The following PCDHA7 variants were observed in gnomAD, a reference collection of about 807,000 sequenced individuals.
PCDHA7 encodes the protein protocadherin alpha 7, also known as protocadherin alpha-7.
In PCDHA7, 37 loss-of-function variants were observed where a neutral mutation model predicts 57.2. The observed-to-expected ratio is 0.65, with a 90% CI of 0.50 to 0.85. The LOEUF (loss-of-function observed/expected upper bound fraction) is 0.85. Among genes scored for constraint, PCDHA7 ranks in the 40% least tolerant of loss-of-function variants. PCDHA7 has a pLI of 0.00. For synonymous variants in PCDHA7, 553 were observed against 558.8 expected, an observed-to-expected ratio of 0.99 and a Z score of 0.15; for missense variants, 1,188 against 1,241.8, an observed-to-expected ratio of 0.96 and a Z score of 0.65.
intron 1 of PCDHA7, chr5:140,843,004 C>G (rs782142006): frequency 6.3e-7 from 1 of 1,595,032 alleles, no homozygotes; most frequent in Non-Finnish European, 8.6e-7. Flanking sequence ...AGAATGACAA[C>G]GCGCCGGCAC....
Position 140,974,282 on chromosome 5 carries a change from T to C in PCDHA7, c.2356-4667T>C, listed in dbSNP as rs115449410. Among the ~76,000 whole-genome samples, 1,252 of 152,332 alleles carry C rather than the reference T, an allele frequency of 8.2e-3. 23 individuals carry two copies. The highest frequency in any genetic ancestry group is 0.028 in the African/African-American group (1,180 of 41,572). ...TTCTGGCCTTCCAGGGTCAGAACTC[T>C]GGGCTCCAAGGAGGTACAACTGTGA... On this transcript the variant is annotated intron_variant, in intron 1 of 3. Coordinates refer to ENST00000525929, the MANE Select transcript of PCDHA7 (RefSeq NM_018910.3).
intron 3 of PCDHA7, among the ~76,000 whole-genome samples, chr5:140,999,034 T>A (rs953509791): frequency 6.6e-6 from 1 of 152,210 alleles, no homozygotes; most frequent in East Asian, 1.9e-4. Flanking sequence ...TGATACTTCG[T>A]CCAGTGTGCT....
chr5:140,932,750 GGAAA>G (rs1554209054), intron 1 of PCDHA7, among the ~76,000 whole-genome samples: 1 of 151,518 alleles, frequency 6.6e-6, no homozygotes, highest in Non-Finnish European at 1.5e-5. Flanking sequence ...TCAGTAAAAA[GGAAA>G]GAAAAAGAAC....
At chr5:141,001,959 C>T (rs755695273) in intron 3 of PCDHA7, among the ~76,000 whole-genome samples, 8 of 152,098 alleles carry the variant, frequency 5.3e-5, no homozygotes, top group Admixed American at 3.9e-4. Context: ...GAGGGAGAGG[C>T]GGGGTGTCTC....
chr5:140,851,536 A>G, intron 1 of PCDHA7: 1 of 906,554 alleles, frequency 1.1e-6, no homozygotes, highest in African/African-American at 1.8e-5. Context: ...GACAATGTAG[A>G]TAATTCAAGA....
intron 1 of PCDHA7, chr5:140,969,583 A>G: frequency 1.1e-6 from 1 of 914,068 alleles, no homozygotes; most frequent in Admixed American, 3.0e-5. Context: ...AGTGAGGATT[A>G]GTCTTAATAT....
chr5:140,976,494 G>A (rs1247242198), intron 1 of PCDHA7, among the ~76,000 whole-genome samples: 1 of 151,942 alleles, frequency 6.6e-6, no homozygotes, highest in Non-Finnish European at 1.5e-5. Context: ...GAGGTTGCAG[G>A]GAGCCAAGAT....
chr5:140,848,969 C>G (rs2150427245), intron 1 of PCDHA7: 31 of 1,604,278 alleles, frequency 1.9e-5, no homozygotes, highest in Non-Finnish European at 2.6e-5. Context: ...AGGGCGCGTC[C>G]GATGCAGATA....
In PCDHA7 at chr5:140,966,763, G is replaced by A. The variant is rs1020607410; in HGVS notation, c.2356-12186G>A. 2.7e-6 allele frequency: 4 copies of A among 1,470,486 alleles called. No homozygotes were observed. The South Asian group carries it at 5.5e-5, about 20-fold the overall frequency. 91.1% of individuals were successfully genotyped at this position (1,470,486 alleles called of 1,614,324 possible). A position where few individuals can be genotyped will look rare whatever the true frequency, so the allele number is the denominator to read the frequency against. Reference sequence around the variant, plus strand: ...CCCGGCTGCCTCCGCCGCGGCCAGTGGCTATGGAGCAGGCGGGCACCAGAC... The same window carrying A: ...CCCGGCTGCCTCCGCCGCGGCCAGTAGCTATGGAGCAGGCGGGCACCAGAC... On this transcript the variant is annotated intron_variant, in intron 1 of 3. Transcript: ENST00000525929.
intron 1 of PCDHA7, among the ~76,000 whole-genome samples, chr5:140,948,492 A>G (rs915795889): frequency 4.0e-5 from 6 of 151,594 alleles, no homozygotes; most frequent in Non-Finnish European, 8.9e-5. Flanking sequence ...AATTTCTTTC[A>G]TAGACTTTCT....
chr5:140,987,035 G>A (rs992580023), intron 3 of PCDHA7, among the ~76,000 whole-genome samples: 2 of 151,946 alleles, frequency 1.3e-5, no homozygotes, highest in African/African-American at 4.8e-5. Flanking sequence ...TCAACATGGC[G>A]AAACCCCATC....
chr5:140,966,918 A>T, intron 1 of PCDHA7: 1 of 1,602,744 alleles, frequency 6.2e-7, no homozygotes. Flanking sequence ...GTGCCAGAGG[A>T]GCAGGCACCC....
chr5:140,870,852 G>A lies in PCDHA7; in HGVS notation c.2355+34114G>A, dbSNP rs782301779. 4.3e-6 allele frequency: 7 copies of A among 1,613,862 alleles called. No individual in the cohort carries two copies. In the Admixed American group the frequency reaches 1.0e-4, roughly 23 times the overall value. ...CAGTTAACAAGCTAGTACCGCGGTCGGTGGGTGCGGGCCACGTGGTGGCGA... is the reference window on the plus strand; with the variant it reads ...CAGTTAACAAGCTAGTACCGCGGTCAGTGGGTGCGGGCCACGTGGTGGCGA... On this transcript the variant is annotated intron_variant, in intron 1 of 3. Transcript: ENST00000525929.
chr5:140,859,671 C>T (rs2045960419), intron 1 of PCDHA7: 1 of 153,888 alleles, frequency 6.5e-6, no homozygotes, highest in Non-Finnish European at 1.4e-5. Context: ...CAAATAGCTT[C>T]AAATAAAATT....
In PCDHA7 at chr5:140,847,222, G is replaced by A. The variant is rs1156761082; in HGVS notation, c.2355+10484G>A. 2.0e-5 allele frequency among the ~76,000 whole-genome samples: 3 copies of A among 149,704 alleles called. 1 individual carries two copies. ...GGCCACTCTTTAGAATTAATTGGGA[G>A]CTATTTAACTACCTTGAGCAAAATA... On this transcript the variant is annotated intron_variant, in intron 1 of 3. Transcript: ENST00000525929.
rs2150474836 is a variant in PCDHA7 at position 140,850,234 on chromosome 5, T to C, written c.2355+13496T>C. ...GGCACTGACGGCGCAGTGAGCGAGA[T>C]GGTGCTGCGGTCGGTGGGCGCCGGC... On this transcript the variant is annotated intron_variant, in intron 1 of 3. Transcript: ENST00000525929. The C allele has an allele frequency of 3.1e-6, 5 of 1,593,808 alleles. 1 individual carries two copies. The highest frequency in any genetic ancestry group is 4.3e-6 in the Non-Finnish European group (5 of 1,167,454).
intron 1 of PCDHA7, chr5:140,870,584 T>A (rs782563992): frequency 1.1e-5 from 18 of 1,613,672 alleles, no homozygotes; most frequent in Non-Finnish European, 1.3e-5. Flanking sequence ...TACTCGCTGG[T>A]GGAGCGGCGG....
intron 1 of PCDHA7, chr5:140,866,098 T>C (rs555628749): frequency 6.6e-6 from 1 of 152,318 alleles, no homozygotes; most frequent in African/African-American, 2.4e-5. Context: ...AATTGTTAAG[T>C]AATTAAGAGT....
chr5:141,010,074 G>T lies in PCDHA7; in HGVS notation c.*137G>T, dbSNP rs1444826216. The stretch of plus-strand genomic sequence containing the variant: ...CTCAGAAATCTGCAGAAAGTTCCCT[G>T]TGTCTGTCTAGAACGCATTTAACAG... On this transcript the variant is annotated 3_prime_UTR_variant, in exon 4 of 4. Coordinates refer to ENST00000525929, the MANE Select transcript of PCDHA7 (RefSeq NM_018910.3). 6.8e-6 allele frequency: 11 copies of T among 1,607,726 alleles called. No individual in the cohort carries two copies. Among genetic ancestry groups the T allele is most frequent in the Non-Finnish European group, 9.3e-6 (11 of 1,176,762 alleles).
Sources: allele counts gnomAD v4.1 joint callset (sites outside exome capture counted in the v4.1 genomes callset), GRCh38; gene constraint gnomAD v4.1.1; transcripts MANE v1.5; gene names NCBI Gene and HGNC (gene_info 2026-07-23, HGNC 2026-07-21).